The following INPP4B variants were observed in gnomAD, a reference collection of about 807,000 sequenced individuals.
INPP4B encodes inositol polyphosphate 4-phosphatase type II.
A neutral mutation model predicts 122.5 loss-of-function variants in INPP4B; 55 were observed. The observed-to-expected ratio is 0.45, with a 90% CI of 0.36 to 0.56. The LOEUF (loss-of-function observed/expected upper bound fraction) is 0.56. Ranked by LOEUF, INPP4B falls within the 20% of genes least tolerant of loss-of-function variation. INPP4B has a pLI of 0.00. For synonymous variants in INPP4B, 403 were observed against 388.7 expected (o/e 1.04, Z -0.43); for missense variants, 1,000 against 1,097.7 (o/e 0.91, Z 1.26).
chr4:142,825,612 A>G (rs1300262090), intron 1 of INPP4B, among the ~76,000 whole-genome samples: 1 of 152,096 alleles, frequency 6.6e-6, no homozygotes, highest in Non-Finnish European at 1.5e-5. Context: ...GCAAGTAAAA[A>G]GTGTTAGAGC....
At chr4:142,390,600 T>C (rs1421056460) in intron 7 of INPP4B, among the ~76,000 whole-genome samples, 1 of 152,216 alleles carries the variant, frequency 6.6e-6, no homozygotes, top group Non-Finnish European at 1.5e-5. Context: ...ATTTGACGTA[T>C]TTAGATATAT....
intron 7 of INPP4B, among the ~76,000 whole-genome samples, chr4:142,398,424 AT>A (rs1562011207): frequency 6.2e-5 from 7 of 112,608 alleles, no homozygotes; most frequent in African/African-American, 2.3e-4. Context: ...ATATATATAT[AT>A]ATATATATAT....
chr4:142,569,729 T>C (rs1275890989), intron 2 of INPP4B, among the ~76,000 whole-genome samples: 1 of 152,152 alleles, frequency 6.6e-6, no homozygotes, highest in East Asian at 1.9e-4. Context: ...ATTCGCATTC[T>C]GATAGCTCAT....
intron 7 of INPP4B, among the ~76,000 whole-genome samples, chr4:142,402,288 A>G (rs1285679804): frequency 6.6e-6 from 1 of 152,180 alleles, no homozygotes; most frequent in East Asian, 1.9e-4. Context: ...TACCTCCCCA[A>G]TAGCATTTTC....
At chr4:142,276,401 C>T (rs1170576842) in intron 9 of INPP4B, among the ~76,000 whole-genome samples, 1 of 151,816 alleles carries the variant, frequency 6.6e-6, no homozygotes, top group African/African-American at 2.4e-5. Flanking sequence ...TTTTGGCTCA[C>T]ACTGATCCAC....
chr4:142,061,951 T>C (rs1247841731), intron 25 of INPP4B, among the ~76,000 whole-genome samples: 1 of 142,482 alleles, frequency 7.0e-6, no homozygotes, highest in African/African-American at 2.7e-5. Context: ...TCTGTAACTT[T>C]GGTCTCCAAA....
rs186904619 is a variant in INPP4B at position 142,588,239 on chromosome 4, G to C, written c.-190-125513C>G. On this transcript the variant is annotated intron_variant, in intron 2 of 25. Coordinates refer to ENST00000262992, the MANE Select transcript of INPP4B (RefSeq NM_001101669.3). ...ACTAGATACTTTTCCTCTAAAATCA[G>C]GGAAAAGGCAAGAATATCCTCTTAC... is the stretch of plus-strand genomic sequence containing the variant. 3.3e-5 allele frequency among the ~76,000 whole-genome samples: 5 copies of C among 151,852 alleles called. No individual in the cohort carries two copies. In the East Asian group the frequency reaches 7.7e-4, roughly 23 times the overall value.
intron 25 of INPP4B, among the ~76,000 whole-genome samples, chr4:142,076,087 G>T (rs2152504270): frequency 6.6e-6 from 1 of 152,054 alleles, no homozygotes; most frequent in East Asian, 1.9e-4. Flanking sequence ...CTGTACTATG[G>T]CCTCCACACT....
At chr4:142,830,173 A>T (rs1388565404) in intron 1 of INPP4B, among the ~76,000 whole-genome samples, 1 of 152,212 alleles carries the variant, frequency 6.6e-6, no homozygotes, top group Non-Finnish European at 1.5e-5. Flanking sequence ...ACACATATAT[A>T]GATACATATA....
intron 1 of INPP4B, among the ~76,000 whole-genome samples, chr4:142,825,803 T>A (rs961261997): frequency 3.3e-5 from 5 of 151,938 alleles, no homozygotes; most frequent in Admixed American, 2.6e-4. Context: ...AAATAGGAGA[T>A]GTGTTTGGGA....
chr4:142,187,941 G>A (rs1833890094), intron 15 of INPP4B, among the ~76,000 whole-genome samples: 1 of 151,688 alleles, frequency 6.6e-6, no homozygotes, highest in African/African-American at 2.4e-5. Flanking sequence ...AAACAGTTTT[G>A]CCGTTTCAAA....
rs1164619538 is a variant in INPP4B at position 142,069,539 on chromosome 4, C to T, written c.2642+12492G>A. Among the ~76,000 whole-genome samples, 5 of 152,078 alleles carry T rather than the reference C, an allele frequency of 3.3e-5. No homozygotes were observed. The South Asian group carries it at 8.3e-4, about 25-fold the overall frequency. On this transcript the variant is annotated intron_variant, in intron 25 of 25. Coordinates refer to ENST00000262992, the MANE Select transcript of INPP4B (RefSeq NM_001101669.3). ...AAACCGTTCAAAAAAATCAATCAAT[C>T]CAGGAGCTGGTTTTTTGAAAAGATC...
intron 21 of INPP4B, among the ~76,000 whole-genome samples, chr4:142,114,544 T>A (rs1791980062): frequency 6.6e-6 from 1 of 152,138 alleles, no homozygotes; most frequent in African/African-American, 2.4e-5. Flanking sequence ...CTTGTACTTA[T>A]AAATCATTCA....
At chr4:142,308,903 A>G (rs1267293799) in intron 8 of INPP4B, among the ~76,000 whole-genome samples, 1 of 152,146 alleles carries the variant, frequency 6.6e-6, no homozygotes, top group Non-Finnish European at 1.5e-5. Context: ...GAAAATCTGG[A>G]CAATTACATT....
At chr4:142,666,316 G>C (rs551148341) in intron 2 of INPP4B, among the ~76,000 whole-genome samples, 1 of 151,916 alleles carries the variant, frequency 6.6e-6, no homozygotes, top group Non-Finnish European at 1.5e-5. Context: ...ATTTCATAAA[G>C]TTTTAAAAAC....
intron 2 of INPP4B, among the ~76,000 whole-genome samples, chr4:142,692,952 T>TAC (rs1342435056): frequency 4.0e-5 from 6 of 151,066 alleles, no homozygotes; most frequent in African/African-American, 2.4e-5. Flanking sequence ...GATACATAGA[T>TAC]AGAGATAGAC....
chr4:142,383,605 A>C (rs942507886), intron 7 of INPP4B, among the ~76,000 whole-genome samples: 1 of 152,122 alleles, frequency 6.6e-6, no homozygotes, highest in South Asian at 2.1e-4. Flanking sequence ...ACTCCTCTCA[A>C]TAGTATCCCA....
chr4:142,753,439 T>C (rs1770024573), intron 1 of INPP4B, among the ~76,000 whole-genome samples: 1 of 152,108 alleles, frequency 6.6e-6, no homozygotes, highest in African/African-American at 2.4e-5. Flanking sequence ...TGATTTGTTG[T>C]TGATGTACTG....
In INPP4B at chr4:142,259,132, C is replaced by T. The variant is rs556935103; in HGVS notation, c.688+1360G>A. On this transcript the variant is annotated intron_variant, in intron 11 of 25. Transcript: ENST00000262992. ...AAAAACCAAACACCGCATATTCTCACTCATAGGTGGGAATTGAACAATGAG... is the reference window on the plus strand; with the variant it reads ...AAAAACCAAACACCGCATATTCTCATTCATAGGTGGGAATTGAACAATGAG... Among the ~76,000 whole-genome samples the T allele has an allele frequency of 2.4e-4, 35 of 143,416 alleles. No individual in the cohort carries two copies. In the South Asian group the frequency reaches 4.3e-3, roughly 18 times the overall value. 94.1% of individuals were successfully genotyped at this position (143,416 alleles called of 152,430 possible).
Sources: allele counts gnomAD v4.1 joint callset (sites outside exome capture counted in the v4.1 genomes callset), GRCh38; gene constraint gnomAD v4.1.1; transcripts MANE v1.5; gene names NCBI Gene and HGNC (gene_info 2026-07-23, HGNC 2026-07-21).